The following IPP variants were observed in gnomAD, a reference collection of about 807,000 sequenced individuals.
The protein encoded by IPP is intracisternal A particle-promoted polypeptide, also known as actin-binding protein IPP.
IPP carries 41 observed loss-of-function variants against 64.1 expected under a neutral mutation model. The observed-to-expected ratio is 0.64, with a 90% CI of 0.50 to 0.83. IPP has a LOEUF of 0.83. IPP is among the 40% of genes least tolerant of loss of function. The pLI, the probability that IPP is intolerant of heterozygous loss-of-function variation, is 0.00. For missense variants in IPP, 649 were observed against 703.0 expected (o/e 0.92, Z 0.87); for synonymous variants, 214 against 235.2 (o/e 0.91, Z 0.83).
intron 8 of IPP, among the ~76,000 whole-genome samples, chr1:45,707,093 A>C (rs1248942458): frequency 6.6e-6 from 1 of 152,226 alleles, no homozygotes. Flanking sequence ...ACAAGTCAAC[A>C]GATACATATC....
At position 45,699,802 on chromosome 1, in the gene IPP, A is replaced by C. The variant is rs1424907163; in HGVS notation, c.*164T>G. 7 of 1,429,432 alleles carry C rather than the reference A, an allele frequency of 4.9e-6. No individual in the cohort carries two copies. Among genetic ancestry groups the C allele is most frequent in the Non-Finnish European group, 5.5e-6 (6 of 1,094,778 alleles). 88.5% of individuals were successfully genotyped at this position (1,429,432 alleles called of 1,614,324 possible). On this transcript the variant is annotated 3_prime_UTR_variant, in exon 9 of 9. Transcript: ENST00000396478. Reference sequence around the variant, plus strand: ...CTCAGCCTTCCAAAGTGCTGGGATTATAGGCATGAGGCCACTGCGCCCAGC... The same window carrying C: ...CTCAGCCTTCCAAAGTGCTGGGATTCTAGGCATGAGGCCACTGCGCCCAGC...
At chr1:45,694,434 C>T (rs1326925172), downstream of IPP, 1 of 1,501,248 alleles carries the variant, frequency 6.7e-7, no homozygotes, top group South Asian at 1.2e-5. Flanking sequence ...ATTAAAAATC[C>T]CCTTTGTTAG....
intron 3 of IPP, among the ~76,000 whole-genome samples, chr1:45,738,839 C>CAAAAAAAAA (rs752168393): frequency 2.6e-4 from 2 of 7,678 alleles, no homozygotes; most frequent in Non-Finnish European, 3.7e-4. Flanking sequence ...GACTCCATCT[C>CAAAAAAAAA]AAAAAAAAAA....
intron 8 of IPP, among the ~76,000 whole-genome samples, chr1:45,701,498 G>A (rs1645455111): frequency 6.6e-6 from 1 of 152,130 alleles, no homozygotes; most frequent in South Asian, 2.1e-4. Context: ...TGTTGGCCAG[G>A]CTGGTCTCAA....
chr1:45,713,977 A>T (rs1645624766), intron 8 of IPP, among the ~76,000 whole-genome samples: 1 of 152,210 alleles, frequency 6.6e-6, no homozygotes, highest in South Asian at 2.1e-4. Flanking sequence ...TTAAAAAATT[A>T]AAAAATAAAT....
chr1:45,722,584 A>C (rs1158326393), intron 5 of IPP, among the ~76,000 whole-genome samples: 2 of 150,666 alleles, frequency 1.3e-5, no homozygotes, highest in Admixed American at 6.6e-5. Context: ...TATTTTATGT[A>C]AGTAAAAAGC....
At chr1:45,721,574 C>T (rs1390367879) in intron 5 of IPP, among the ~76,000 whole-genome samples, 6 of 152,182 alleles carry the variant, frequency 3.9e-5, no homozygotes, top group Non-Finnish European at 8.8e-5. Flanking sequence ...TGTGCCTTTT[C>T]CTTTGGCTGA....
chr1:45,707,247 C>T (rs1177045520), intron 8 of IPP, among the ~76,000 whole-genome samples: 1 of 151,852 alleles, frequency 6.6e-6, no homozygotes, highest in African/African-American at 2.4e-5. Context: ...CACGGTGAAA[C>T]CCCATCTCTA....
chr1:45,699,533 C>G lies in IPP; in HGVS notation c.*433G>C. 1 of 988,946 alleles carries G rather than the reference C, an allele frequency of 1.0e-6. No homozygotes were observed. Among genetic ancestry groups the G allele is most frequent in the Non-Finnish European group, 1.2e-6 (1 of 831,936 alleles). The allele number at this position is 988,946 out of a possible 1,614,324, so 61.3% of individuals were successfully genotyped here. A position where few individuals can be genotyped will look rare whatever the true frequency, so the allele number is the denominator to read the frequency against. Reference sequence around the variant, plus strand: ...AAAATAGGAGTTGTCTACACTTAAACTGGAGAATTCTACAGCATAAATGGC... The same window carrying G: ...AAAATAGGAGTTGTCTACACTTAAAGTGGAGAATTCTACAGCATAAATGGC... On this transcript the variant is annotated 3_prime_UTR_variant, in exon 9 of 9. Coordinates refer to ENST00000396478, the MANE Select transcript of IPP (RefSeq NM_005897.3).
chr1:45,740,474 G>A (rs935897055), intron 3 of IPP, among the ~76,000 whole-genome samples: 10 of 151,730 alleles, frequency 6.6e-5, no homozygotes, highest in African/African-American at 1.9e-4. Context: ...TCTCCCTCCC[G>A]AACGGGGCGG....
chr1:45,744,691 T>C (rs971501943), intron 2 of IPP, among the ~76,000 whole-genome samples: 1 of 151,942 alleles, frequency 6.6e-6, no homozygotes, highest in African/African-American at 2.4e-5. Flanking sequence ...ATATAAAAAT[T>C]AGCTGGGCAT....
In IPP at chr1:45,740,916, A is replaced by G. The variant is rs368603312; in HGVS notation, c.709T>C (p.Leu237=). 2 of 1,591,384 alleles carry G rather than the reference A, an allele frequency of 1.3e-6. No individual in the cohort carries two copies. The part of the protein sequence containing the change: ...RFPLLPPQRL[L]KYIEGVSDFN... ...AAAAAGTTACCTTCTATATACTTTA[A>G]AAGTCTCTGAGGAGGTAATAAAGGG... The change falls in exon 3 of 9, where the codon TTA becomes CTA. Residue 237 remains leucine (L), a synonymous_variant. Transcript: ENST00000396478.
chr1:45,720,228 A>G (rs1377131646), intron 5 of IPP, among the ~76,000 whole-genome samples: 6 of 152,160 alleles, frequency 3.9e-5, no homozygotes, highest in Non-Finnish European at 5.9e-5. Context: ...AGCATGTGCC[A>G]CCATGTCCAG....
chr1:45,699,240 CT>C lies in IPP; in HGVS notation c.*725del. 1 of 985,220 alleles carries C rather than the reference CT, an allele frequency of 1.0e-6. No individual in the cohort carries two copies. Among genetic ancestry groups the C allele is most frequent in the Non-Finnish European group, 1.2e-6 (1 of 829,802 alleles). 61.0% of individuals were successfully genotyped at this position (985,220 alleles called of 1,614,324 possible). Reference sequence around the variant, plus strand: ...CCAAACACCCCTCCTAGGATATCTGCTGCCAATAAAAAGTTTGGGGCTAGTG... The same window carrying C: ...CCAAACACCCCTCCTAGGATATCTGCGCCAATAAAAAGTTTGGGGCTAGTG... On this transcript the variant is annotated 3_prime_UTR_variant, in exon 9 of 9. Transcript: ENST00000396478.
intron 3 of IPP, among the ~76,000 whole-genome samples, chr1:45,731,670 T>A (rs1645907273): frequency 6.6e-6 from 1 of 151,846 alleles, no homozygotes; most frequent in Admixed American, 6.6e-5. Context: ...GTGTGGTGGC[T>A]CACGCTTCTA....
chr1:45,748,565 G>C (rs1570065641), intron 1 of IPP, among the ~76,000 whole-genome samples: 1 of 152,152 alleles, frequency 6.6e-6, no homozygotes, highest in Non-Finnish European at 1.5e-5. Context: ...AGCTACTCAG[G>C]GGAGGCTGAG....
At chr1:45,718,151 C>T (rs1388038546) in intron 6 of IPP, among the ~76,000 whole-genome samples, 2 of 152,136 alleles carry the variant, frequency 1.3e-5, no homozygotes, top group African/African-American at 2.4e-5. Flanking sequence ...TAGTACAGAA[C>T]TTCCTTGTGA....
chr1:45,729,094 C>T (rs1424218378), intron 4 of IPP, among the ~76,000 whole-genome samples: 3 of 148,606 alleles, frequency 2.0e-5, no homozygotes, highest in Non-Finnish European at 4.4e-5. Flanking sequence ...TGCAGTGATC[C>T]GAGATCACGC....
downstream of IPP, chr1:45,694,552 G>A (rs115945592): frequency 8.7e-7 from 1 of 1,154,034 alleles, no homozygotes; most frequent in South Asian, 1.3e-5. Context: ...GTTTTCACAG[G>A]AGTTACCACT....
Sources: allele counts gnomAD v4.1 joint callset (sites outside exome capture counted in the v4.1 genomes callset), GRCh38; gene constraint gnomAD v4.1.1; transcripts MANE v1.5; gene names NCBI Gene and HGNC (gene_info 2026-07-23, HGNC 2026-07-21).